The following SRSF9 variants were observed in gnomAD, a reference collection of about 807,000 sequenced individuals.
The protein encoded by SRSF9 is serine/arginine-rich splicing factor 9.
In SRSF9, 3 loss-of-function variants were observed where a neutral mutation model predicts 25.9. That is an observed-to-expected ratio of 0.12 (90% CI 0.05 to 0.30). SRSF9 has a LOEUF of 0.30. SRSF9 is among the 10% of genes least tolerant of loss of function. The probability of loss-of-function intolerance (pLI) is 1.00; values close to 1 mark genes in which losing one functional copy is unlikely to be tolerated. For synonymous variants in SRSF9, 114 were observed against 113.2 expected, an observed-to-expected ratio of 1.01 and a Z score of -0.05; for missense variants, 161 against 303.5, an observed-to-expected ratio of 0.53 and a Z score of 3.49.
At chr12:120,463,176 C>T (rs1247937764) in intron 3 of SRSF9, 2 of 152,158 alleles carry the variant, frequency 1.3e-5, no homozygotes, top group Non-Finnish European at 2.9e-5. Context: ...TAGTCACCAC[C>T]TCAATCAAAC....
At chr12:120,463,737 AT>A in intron 3 of SRSF9, 1 of 513,526 alleles carries the variant, frequency 1.9e-6, no homozygotes, top group East Asian at 3.1e-5. Context: ...AATAAAGCAT[AT>A]TAAAAAACAA....
At chr12:120,469,296 T>G (rs1453225883) in intron 1 of SRSF9, 126 bp downstream of exon 1, 2 of 538,592 alleles carry the variant, frequency 3.7e-6, no homozygotes, top group Non-Finnish European at 6.0e-6. Flanking sequence ...GGGGGCGCCG[T>G]GAGGGGTCTG....
In SRSF9 at chr12:120,461,712, G is replaced by A. The variant is rs976402933; in HGVS notation, c.*307C>T. 6 of 210,654 alleles carry A rather than the reference G, an allele frequency of 2.8e-5. No homozygotes were observed. Among genetic ancestry groups the A allele is most frequent in the African/African-American group, 9.2e-5 (4 of 43,504 alleles). The allele number at this position is 210,654 out of a possible 1,614,324, so 13.0% of individuals were successfully genotyped here. On this transcript the variant is annotated 3_prime_UTR_variant, in exon 4 of 4. Transcript: ENST00000229390. ...AATATATTTCTAAACAGAATGGGCCGACTCAGTCACAGTAACTGTTGATCT... is the reference window on the plus strand; with the variant it reads ...AATATATTTCTAAACAGAATGGGCCAACTCAGTCACAGTAACTGTTGATCT...
Position 120,469,349 on chromosome 12 carries a change from G to T in SRSF9, c.188+73C>A, listed in dbSNP as rs570973369. 3.9e-5 allele frequency: 47 copies of T among 1,199,758 alleles called. 1 individual carries two copies. In the South Asian group the frequency reaches 6.4e-4, roughly 16 times the overall value. 74.3% of individuals were successfully genotyped at this position (1,199,758 alleles called of 1,614,324 possible). A position where few individuals can be genotyped will look rare whatever the true frequency, so the allele number is the denominator to read the frequency against. On this transcript the variant is annotated intron_variant, in intron 1 of 3. Transcript: ENST00000229390. ...GGGAGGCCGGGGGGAGGGGAGCCCT[G>T]GGGGAGGGGACAGCAGGGAAGGCGG...
intron 3 of SRSF9, 23 bp from the exon 4 acceptor site, chr12:120,462,185 AAG>A: frequency 6.3e-7 from 1 of 1,595,588 alleles, no homozygotes; most frequent in Non-Finnish European, 8.5e-7. Context: ...CAAAAACAAA[AAG>A]AGTAAAGGGG....
At chr12:120,468,654 G>A (rs1273156729) in intron 1 of SRSF9, among the ~76,000 whole-genome samples, 1 of 152,220 alleles carries the variant, frequency 6.6e-6, no homozygotes, top group Admixed American at 6.5e-5. Context: ...GACCAGGTCA[G>A]CGCCGCAGCT....
Position 120,469,698 on chromosome 12 carries a change from C to G in SRSF9, c.-89G>C, listed in dbSNP as rs1170192897. The G allele has an allele frequency of 4.7e-6, 4 of 858,976 alleles. No homozygotes were observed. The highest frequency in any genetic ancestry group is 1.8e-5 in the African/African-American group (1 of 55,618). 53.2% of individuals were successfully genotyped at this position (858,976 alleles called of 1,614,324 possible). A position where few individuals can be genotyped will look rare whatever the true frequency, so the allele number is the denominator to read the frequency against. On this transcript the variant is annotated 5_prime_UTR_variant, in exon 1 of 4. Coordinates refer to ENST00000229390, the MANE Select transcript of SRSF9 (RefSeq NM_003769.3). ...CCCCCCGCAGCGTCCCCGCGGGCTC[C>G]GAGGCGCTCAGCCGCACTGCATTGT...
chr12:120,466,674 C>A (rs1298844692), intron 1 of SRSF9, among the ~76,000 whole-genome samples: 4 of 152,054 alleles, frequency 2.6e-5, no homozygotes, highest in African/African-American at 9.7e-5. Context: ...ATAGCTAGGG[C>A]CACAGGCGTG....
At chr12:120,468,294 G>C (rs1878535017) in intron 1 of SRSF9, among the ~76,000 whole-genome samples, 1 of 151,882 alleles carries the variant, frequency 6.6e-6, no homozygotes, top group Admixed American at 6.6e-5. Flanking sequence ...AAGAAGGAAA[G>C]AAAAAAAGCT....
intron 3 of SRSF9, 170 bp downstream of exon 3, chr12:120,463,780 T>C (rs1878420670): frequency 4.5e-6 from 3 of 664,524 alleles, no homozygotes; most frequent in South Asian, 2.6e-5. Flanking sequence ...CTTTCAGCTA[T>C]GACCCTGAAG....
At chr12:120,463,761 T>C (rs1878419598) in intron 3 of SRSF9, 189 bp downstream of exon 3, 1 of 580,244 alleles carries the variant, frequency 1.7e-6, no homozygotes, top group Non-Finnish European at 3.0e-6. Flanking sequence ...GTACCATGAA[T>C]GCATACTTCT....
At chr12:120,465,052 C>T (rs2137050349) in intron 2 of SRSF9, 1 of 152,286 alleles carries the variant, frequency 6.6e-6, no homozygotes, top group East Asian at 1.9e-4. Context: ...CTAAAACTCC[C>T]ATGCAATATG....
chr12:120,463,255 C>T (rs946400195), intron 3 of SRSF9: 1 of 152,124 alleles, frequency 6.6e-6, no homozygotes, highest in Non-Finnish European at 1.5e-5. Flanking sequence ...TGAAGGGTGA[C>T]ATAATCAACC....
intron 2 of SRSF9, 50 bp downstream of exon 2, chr12:120,465,577 G>C: frequency 1.3e-6 from 2 of 1,526,270 alleles, no homozygotes; most frequent in Non-Finnish European, 1.7e-6. Context: ...GACAGACTCT[G>C]TGTTAAGTAT....
At chr12:120,463,713 A>G in intron 3 of SRSF9, 2 of 422,916 alleles carry the variant, frequency 4.7e-6, no homozygotes, top group Non-Finnish European at 8.4e-6. Context: ...GTGTAATGTG[A>G]TACTAATATG....
At chr12:120,468,145 A>C (rs1333366811) in intron 1 of SRSF9, among the ~76,000 whole-genome samples, 1 of 146,014 alleles carries the variant, frequency 6.8e-6, no homozygotes, top group East Asian at 2.1e-4. Context: ...TAAAAATACT[A>C]AATACAGGCT....
chr12:120,465,882 TA>T, intron 1 of SRSF9, 95 bp from the exon 2 acceptor site: 1 of 1,236,312 alleles, frequency 8.1e-7, no homozygotes. Context: ...GTAGTAAGCA[TA>T]AAAGGGAAAC....
chr12:120,468,824 A>C (rs374385949), intron 1 of SRSF9, among the ~76,000 whole-genome samples: 1 of 152,138 alleles, frequency 6.6e-6, no homozygotes, highest in Non-Finnish European at 1.5e-5. Context: ...CTCCCTCATC[A>C]AAGGAGGGAA....
At chr12:120,464,564 T>G (rs1878439584) in intron 2 of SRSF9, 1 of 154,088 alleles carries the variant, frequency 6.5e-6, no homozygotes, top group Non-Finnish European at 1.4e-5. Context: ...AACCAAAGAG[T>G]AGCTGAAGGT....
Sources: allele counts gnomAD v4.1 joint callset (sites outside exome capture counted in the v4.1 genomes callset), GRCh38; gene constraint gnomAD v4.1.1; transcripts MANE v1.5; gene names NCBI Gene and HGNC (gene_info 2026-07-23, HGNC 2026-07-21).